EPHA7: variants seen among roughly 807,000 people sequenced by gnomAD.
The protein encoded by EPHA7 is EPH receptor A7.
In EPHA7, 25 loss-of-function variants were observed where a neutral mutation model predicts 112.6. That is an observed-to-expected ratio of 0.22 (90% CI 0.16 to 0.31). The LOEUF is 0.31. Among genes scored for constraint, EPHA7 ranks in the 10% least tolerant of loss-of-function variants. EPHA7 has a pLI of 1.00. For missense variants in EPHA7, 962 were observed against 1,212.6 expected, an observed-to-expected ratio of 0.79 and a Z score of 3.07; for synonymous variants, 437 against 406.5, an observed-to-expected ratio of 1.07 and a Z score of -0.90.
At position 93,419,555 on chromosome 6, in the gene EPHA7, A is replaced by C. The variant is rs1779426092; in HGVS notation, c.-214T>G. The C allele has an allele frequency of 2.0e-6, 1 of 498,280 alleles. No individual in the cohort carries two copies. Among genetic ancestry groups the C allele is most frequent in the Non-Finnish European group, 3.5e-6 (1 of 284,902 alleles). 30.9% of individuals were successfully genotyped at this position (498,280 alleles called of 1,614,324 possible). A position where few individuals can be genotyped will look rare whatever the true frequency, so the allele number is the denominator to read the frequency against. On this transcript the variant is annotated 5_prime_UTR_variant, in exon 1 of 17. Coordinates refer to ENST00000369303, the MANE Select transcript of EPHA7 (RefSeq NM_004440.4). ...TTGCTGCCTGCAAGTCTCCGACTGCAGACCGGCCGCTTGCTCCACACTCCA... is the reference window on the plus strand; with the variant it reads ...TTGCTGCCTGCAAGTCTCCGACTGCCGACCGGCCGCTTGCTCCACACTCCA...
chr6:93,383,668 G>C (rs1275705472), intron 3 of EPHA7, among the ~76,000 whole-genome samples: 1 of 152,120 alleles, frequency 6.6e-6, no homozygotes, highest in Non-Finnish European at 1.5e-5. Flanking sequence ...ATAAAAATCA[G>C]AGAGGGCTTC....
chr6:93,319,115 C>T (rs551604254), intron 5 of EPHA7, among the ~76,000 whole-genome samples: 1 of 152,102 alleles, frequency 6.6e-6, no homozygotes, highest in South Asian at 2.1e-4. Context: ...TATCTCTATC[C>T]TAGTAAAACA....
intron 3 of EPHA7, among the ~76,000 whole-genome samples, chr6:93,367,616 A>G (rs1252788882): frequency 6.6e-6 from 1 of 151,770 alleles, no homozygotes; most frequent in Non-Finnish European, 1.5e-5. Context: ...AGACTGTTAG[A>G]ACACACACAC....
At chr6:93,366,060 G>A (rs1192352403) in intron 3 of EPHA7, among the ~76,000 whole-genome samples, 1 of 152,054 alleles carries the variant, frequency 6.6e-6, no homozygotes, top group Non-Finnish European at 1.5e-5. Context: ...TTAAGAATCT[G>A]GTTGAGGTCT....
At chr6:93,350,496 T>C (rs1475554791) in intron 5 of EPHA7, among the ~76,000 whole-genome samples, 1 of 152,058 alleles carries the variant, frequency 6.6e-6, no homozygotes, top group African/African-American at 2.4e-5. Flanking sequence ...TATCAGTTCT[T>C]GTCTTAACAA....
chr6:93,330,644 C>T (rs926990680), intron 5 of EPHA7, among the ~76,000 whole-genome samples: 1 of 151,180 alleles, frequency 6.6e-6, no homozygotes. Flanking sequence ...AATAGTATAC[C>T]ATTATGTAGA....
chr6:93,342,671 A>C (rs1024985163), intron 5 of EPHA7, among the ~76,000 whole-genome samples: 1 of 151,820 alleles, frequency 6.6e-6, no homozygotes, highest in Non-Finnish European at 1.5e-5. Flanking sequence ...CAGTGTAAGA[A>C]CAATAAAAAA....
intron 3 of EPHA7, among the ~76,000 whole-genome samples, chr6:93,408,212 A>G (rs561457520): frequency 6.6e-6 from 1 of 152,024 alleles, no homozygotes; most frequent in Non-Finnish European, 1.5e-5. Flanking sequence ...AAAAGTTTTA[A>G]GTTCCTTTTT....
At chr6:93,285,305 G>T (rs1332537479) in intron 5 of EPHA7, among the ~76,000 whole-genome samples, 5 of 152,102 alleles carry the variant, frequency 3.3e-5, no homozygotes, top group African/African-American at 1.2e-4. Context: ...TAATACCCAA[G>T]AATCACTGCA....
intron 6 of EPHA7, among the ~76,000 whole-genome samples, chr6:93,270,926 T>C (rs1771186633): frequency 6.6e-6 from 1 of 151,808 alleles, no homozygotes; most frequent in Non-Finnish European, 1.5e-5. Context: ...TGTAGATTTC[T>C]GTAAGGCCAA....
intron 3 of EPHA7, among the ~76,000 whole-genome samples, chr6:93,382,430 A>C (rs74590076): frequency 0.013 from 2,031 of 152,212 alleles, 44 homozygotes; most frequent in African/African-American, 0.046. Context: ...GGTGGTAATG[A>C]ACCTGCCTGC....
intron 5 of EPHA7, among the ~76,000 whole-genome samples, chr6:93,353,851 C>A (rs530541328): frequency 1.3e-5 from 2 of 151,976 alleles, no homozygotes; most frequent in South Asian, 4.1e-4. Flanking sequence ...TTCCTGTGAG[C>A]AAAGGATATT....
chr6:93,321,325 A>G (rs2127884452), intron 5 of EPHA7, among the ~76,000 whole-genome samples: 1 of 152,016 alleles, frequency 6.6e-6, no homozygotes, highest in Non-Finnish European at 1.5e-5. Context: ...GGCAACAGTA[A>G]TATATTATTT....
At chr6:93,259,569 G>C in intron 9 of EPHA7, 90 bp from the exon 10 acceptor site, 3 of 1,495,242 alleles carry the variant, frequency 2.0e-6, no homozygotes, top group Non-Finnish European at 2.7e-6. Flanking sequence ...AGTGCTCCTT[G>C]GAACAGTGAA....
At chr6:93,339,765 T>C (rs1353990854) in intron 5 of EPHA7, among the ~76,000 whole-genome samples, 1 of 151,810 alleles carries the variant, frequency 6.6e-6, no homozygotes, top group Non-Finnish European at 1.5e-5. Flanking sequence ...CAATACATAT[T>C]TTTGGCATGT....
chr6:93,330,719 G>A (rs1290688808), intron 5 of EPHA7, among the ~76,000 whole-genome samples: 3 of 151,088 alleles, frequency 2.0e-5, no homozygotes, highest in East Asian at 1.9e-4. Flanking sequence ...TCATATCTTC[G>A]CTATTGTGAA....
chr6:93,351,670 T>C (rs988406307), intron 5 of EPHA7, among the ~76,000 whole-genome samples: 4 of 152,020 alleles, frequency 2.6e-5, no homozygotes, highest in African/African-American at 4.8e-5. Context: ...TGAGAGGTCT[T>C]ATGTCCCAAA....
At chr6:93,248,003 C>A (rs1490771183) in intron 14 of EPHA7, among the ~76,000 whole-genome samples, 1 of 151,776 alleles carries the variant, frequency 6.6e-6, no homozygotes, top group East Asian at 1.9e-4. Flanking sequence ...AGACAAACAG[C>A]AGAAATAAGA....
intron 5 of EPHA7, among the ~76,000 whole-genome samples, chr6:93,318,669 C>T (rs1773924077): frequency 6.6e-6 from 1 of 151,692 alleles, no homozygotes. Flanking sequence ...ATGGCATGAC[C>T]ATTTTGGCAA....
Sources: allele counts gnomAD v4.1 joint callset (sites outside exome capture counted in the v4.1 genomes callset), GRCh38; gene constraint gnomAD v4.1.1; transcripts MANE v1.5; gene names NCBI Gene and HGNC (gene_info 2026-07-23, HGNC 2026-07-21).